Variants in ATL3 observed in about 807,000 individuals in gnomAD.
ATL3 encodes the protein atlastin-3.
ATL3 carries 49 observed loss-of-function variants against 69.5 expected under a neutral mutation model. The observed-to-expected ratio is 0.71, with a 90% CI of 0.56 to 0.89. The LOEUF (loss-of-function observed/expected upper bound fraction) is 0.89. Among genes scored for constraint, ATL3 ranks in the 40% least tolerant of loss-of-function variants. ATL3 has a pLI of 0.00. For synonymous variants in ATL3, 214 were observed against 224.1 expected (o/e 0.95, Z 0.40); for missense variants, 606 against 645.7 (o/e 0.94, Z 0.67).
intron 10 of ATL3, among the ~76,000 whole-genome samples, chr11:63,633,452 G>A (rs993946773): frequency 1.3e-5 from 2 of 151,658 alleles, no homozygotes; most frequent in African/African-American, 2.4e-5. Flanking sequence ...CTGTCACCCA[G>A]GCTGGAGTTC....
At position 63,631,455 on chromosome 11, in the gene ATL3, T is replaced by G. The variant is rs753546335; in HGVS notation, c.1124A>C (p.Lys375Thr). The G allele has an allele frequency of 1.8e-5, 29 of 1,606,758 alleles. No homozygotes were observed. Among genetic ancestry groups the G allele is most frequent in the Non-Finnish European group, 2.4e-5 (28 of 1,176,142 alleles). Residue 375 changes from lysine (K) to threonine (T), a missense_variant, in exon 12 of 13, where the codon AAA becomes ACA. Coordinates refer to ENST00000398868, the MANE Select transcript of ATL3 (RefSeq NM_015459.5). Reference protein sequence around the residue: ...NNMEEVCGGEKPYLSPDILEE... With the variant: ...NNMEEVCGGETPYLSPDILEE... Reference sequence around the variant, plus strand: ...TAGAATGTCTGGAGACAAATAAGGTTTCTCTCCCCCACAAACCTAAAAAGA... The same window carrying G: ...TAGAATGTCTGGAGACAAATAAGGTGTCTCTCCCCCACAAACCTAAAAAGA...
rs1247007358 is a variant in ATL3, at chr11:63,624,146, G to A, written c.*5173C>T. 1 of 152,132 alleles carries A rather than the reference G, an allele frequency of 6.6e-6. No individual in the cohort carries two copies. Among genetic ancestry groups the A allele is most frequent in the Admixed American group, 6.5e-5 (1 of 15,270 alleles). The allele number at this position is 152,132 out of a possible 1,614,324, so 9.4% of individuals were successfully genotyped here. On this transcript the variant is annotated 3_prime_UTR_variant, in exon 13 of 13. Coordinates refer to ENST00000398868, the MANE Select transcript of ATL3 (RefSeq NM_015459.5). ...ACAAATTGGAGTAAAACAGAAACAT[G>A]CTTTTAATATACTAATAGCATAATC... is the stretch of plus-strand genomic sequence containing the variant.
Position 63,669,013 on chromosome 11 carries a change from GT to G in ATL3, c.46+2276del, listed in dbSNP as rs201372515. 7.7e-3 allele frequency among the ~76,000 whole-genome samples: 971 copies of G among 125,982 alleles called. 27 individuals carry two copies. The highest frequency in any genetic ancestry group is 0.025 in the African/African-American group (826 of 32,478). The allele number at this position is 125,982 out of a possible 152,430, so 82.6% of individuals were successfully genotyped here. On this transcript the variant is annotated intron_variant, in intron 1 of 12. Coordinates refer to ENST00000398868, the MANE Select transcript of ATL3 (RefSeq NM_015459.5). ...TAACTTTTTTTTAATTTTTTTTTGG[GT>G]GGGGGGGGGCGTCTCACCATGTTGG...
At chr11:63,651,300 C>A (rs537876350) in intron 5 of ATL3, among the ~76,000 whole-genome samples, 10 of 151,594 alleles carry the variant, frequency 6.6e-5, no homozygotes, top group Non-Finnish European at 1.0e-4. Flanking sequence ...ATTAAAAATA[C>A]AAAAAGTAGC....
At chr11:63,630,109 G>A (rs1939255659) in intron 12 of ATL3, among the ~76,000 whole-genome samples, 2 of 151,950 alleles carry the variant, frequency 1.3e-5, no homozygotes, top group Non-Finnish European at 2.9e-5. Context: ...TATGTCTGAA[G>A]AGCATGTAAT....
At chr11:63,669,924 G>A (rs482915) in intron 1 of ATL3, among the ~76,000 whole-genome samples, 17,836 of 152,002 alleles carry the variant, frequency 0.12, 1,170 homozygotes, top group Middle Eastern at 0.17. Flanking sequence ...CTCCAGTTTA[G>A]GTAGCAAAAA....
chr11:63,644,503 C>T, intron 6 of ATL3, among the ~76,000 whole-genome samples: 1 of 151,552 alleles, frequency 6.6e-6, no homozygotes, highest in East Asian at 1.9e-4. Context: ...GATCCTTTCA[C>T]CTCAGCCTCC....
intron 7 of ATL3, 89 bp downstream of exon 7, chr11:63,644,080 A>G (rs1939786845): frequency 2.4e-6 from 2 of 821,314 alleles, no homozygotes; most frequent in Non-Finnish European, 2.0e-6. Context: ...ATCATTTTCA[A>G]TAATTGCTTT....
rs1198159146 is a variant in ATL3 at position 63,627,162 on chromosome 11, T to C, written c.*2157A>G. The C allele has an allele frequency of 3.9e-5, 6 of 152,204 alleles. No individual in the cohort carries two copies. Among genetic ancestry groups the C allele is most frequent in the Admixed American group, 2.0e-4 (3 of 15,278 alleles). 9.4% of individuals were successfully genotyped at this position (152,204 alleles called of 1,614,324 possible). A position where few individuals can be genotyped will look rare whatever the true frequency, so the allele number is the denominator to read the frequency against. On this transcript the variant is annotated 3_prime_UTR_variant, in exon 13 of 13. Coordinates refer to ENST00000398868, the MANE Select transcript of ATL3 (RefSeq NM_015459.5). Reference sequence around the variant, plus strand: ...ATTTTTTAAGTTATTCTGAAATCTATAAATTTACTTATAGAATGTATTAAA... The same window carrying C: ...ATTTTTTAAGTTATTCTGAAATCTACAAATTTACTTATAGAATGTATTAAA...
chr11:63,665,133 G>C (rs894688169), intron 1 of ATL3, among the ~76,000 whole-genome samples: 3 of 152,106 alleles, frequency 2.0e-5, no homozygotes, highest in African/African-American at 7.2e-5. Flanking sequence ...ATCACCTGAA[G>C]TCAGGAGTTC....
intron 12 of ATL3, 152 bp downstream of exon 12, chr11:63,630,888 A>T: frequency 1.5e-6 from 1 of 647,336 alleles, no homozygotes. Flanking sequence ...AAAGGATAAT[A>T]AAACATACAG....
chr11:63,635,640 T>C (rs1274205419), intron 9 of ATL3, 50 bp from the exon 10 acceptor site: 1 of 1,369,924 alleles, frequency 7.3e-7, no homozygotes, highest in Admixed American at 2.0e-5. Context: ...CAGTCATATC[T>C]TACTCATATT....
At chr11:63,667,820 T>C (rs1452727017) in intron 1 of ATL3, among the ~76,000 whole-genome samples, 1 of 149,958 alleles carries the variant, frequency 6.7e-6, no homozygotes, top group East Asian at 2.0e-4. Flanking sequence ...TCAGCACTAC[T>C]GACATATTGA....
intron 4 of ATL3, 31 bp downstream of exon 4, chr11:63,652,440 C>A (rs376524778): frequency 2.2e-6 from 3 of 1,362,984 alleles, no homozygotes; most frequent in South Asian, 1.6e-5. Context: ...ATTTCCTTTG[C>A]GAGCTTTTTT....
At position 63,659,077 on chromosome 11, in the gene ATL3, G is replaced by A; in HGVS notation, c.222C>T (p.Ser74=). ...ATCGTAGCATAAAATCCAGAATGAA[G>A]GACTTGCCCTTTCGGAAGGCACCAG... is the stretch of plus-strand genomic sequence containing the variant. ...SVAGAFRKGK[S]FILDFMLRYL... Residue 74 remains serine, a synonymous_variant, in exon 2 of 13, where the codon TCC becomes TCT. Coordinates refer to ENST00000398868, the MANE Select transcript of ATL3 (RefSeq NM_015459.5). 1 of 1,613,888 alleles carries A rather than the reference G, an allele frequency of 6.2e-7. No individual in the cohort carries two copies. Among genetic ancestry groups the A allele is most frequent in the Non-Finnish European group, 8.5e-7 (1 of 1,180,010 alleles).
intron 5 of ATL3, among the ~76,000 whole-genome samples, chr11:63,647,038 C>T (rs902235021): frequency 3.3e-5 from 5 of 152,124 alleles, no homozygotes; most frequent in Non-Finnish European, 7.3e-5. Flanking sequence ...GTACTGGCTC[C>T]TCCCACTAAC....
chr11:63,631,984 AAAAAC>A (rs1939336534), intron 11 of ATL3, among the ~76,000 whole-genome samples: 1 of 152,146 alleles, frequency 6.6e-6, no homozygotes, highest in South Asian at 2.1e-4. Context: ...TCCGTCTCTA[AAAAAC>A]AAAAGCAAAC....
chr11:63,629,231 T>C lies in ATL3; in HGVS notation c.*88A>G, dbSNP rs1939222397. 9.6e-7 allele frequency: 1 copy of C among 1,042,790 alleles called. No homozygotes were observed. Among genetic ancestry groups the C allele is most frequent in the Non-Finnish European group, 1.5e-6 (1 of 668,100 alleles). The allele number at this position is 1,042,790 out of a possible 1,614,324, so 64.6% of individuals were successfully genotyped here. ...TCCTGGATCGTCTCAGATCTGCCAT[T>C]CCTCTGGATATGAACCTGTGGCCGT... On this transcript the variant is annotated 3_prime_UTR_variant, in exon 13 of 13. Transcript: ENST00000398868.
intron 5 of ATL3, among the ~76,000 whole-genome samples, chr11:63,651,185 G>A (rs1373943311): frequency 3.3e-5 from 5 of 152,214 alleles, no homozygotes; most frequent in East Asian, 3.9e-4. Flanking sequence ...GGCCGGGCGC[G>A]GTGGCTCATG....
Sources: allele counts gnomAD v4.1 joint callset (sites outside exome capture counted in the v4.1 genomes callset), GRCh38; gene constraint gnomAD v4.1.1; transcripts MANE v1.5; gene names NCBI Gene and HGNC (gene_info 2026-07-23, HGNC 2026-07-21).